APBA1: variants seen among roughly 807,000 people sequenced by gnomAD.
APBA1 encodes amyloid-beta A4 precursor protein-binding family A member 1.
A neutral mutation model predicts 86.6 loss-of-function variants in APBA1; 55 were observed. The ratio of observed to expected loss-of-function variants is 0.64; its 90% CI spans 0.51 to 0.80. The LOEUF is 0.80. APBA1 is among the 30% of genes least tolerant of loss of function. APBA1 has a pLI of 0.00. For synonymous variants in APBA1, 511 were observed against 493.9 expected (o/e 1.03, Z -0.46); for missense variants, 1,090 against 1,183.0 (o/e 0.92, Z 1.15).
intron 1 of APBA1, among the ~76,000 whole-genome samples, chr9:69,660,416 A>G (rs1328824781): frequency 1.3e-5 from 2 of 152,230 alleles, no homozygotes; most frequent in African/African-American, 2.4e-5. Flanking sequence ...AGAGTTCCCT[A>G]TAGTGGCAGG....
chr9:69,606,404 CCTACTTTTTTACAGAGA>C (rs1822472805), intron 1 of APBA1, among the ~76,000 whole-genome samples: 1 of 150,448 alleles, frequency 6.6e-6, no homozygotes, highest in African/African-American at 2.4e-5. Flanking sequence ...TATTGTATCG[CCTACTTTTTTACAGAGA>C]AAGAAACTGA....
chr9:69,591,170 G>A (rs963038781), intron 1 of APBA1, among the ~76,000 whole-genome samples: 13 of 152,174 alleles, frequency 8.5e-5, no homozygotes, highest in Non-Finnish European at 1.3e-4. Flanking sequence ...CAGAACTTCC[G>A]ATGTGAGGTC....
At chr9:69,571,551 T>C (rs566523853) in intron 1 of APBA1, among the ~76,000 whole-genome samples, 1 of 152,322 alleles carries the variant, frequency 6.6e-6, no homozygotes, top group South Asian at 2.1e-4. Flanking sequence ...TGGAAAGATA[T>C]ATACCAAAAT....
intron 1 of APBA1, among the ~76,000 whole-genome samples, chr9:69,621,173 T>C (rs957527639): frequency 6.6e-6 from 1 of 152,214 alleles, no homozygotes; most frequent in Non-Finnish European, 1.5e-5. Flanking sequence ...GGAATTTAAC[T>C]AAAAATACGG....
chr9:69,486,931 G>C (rs1835620685), intron 2 of APBA1, among the ~76,000 whole-genome samples: 1 of 150,414 alleles, frequency 6.6e-6, no homozygotes, highest in Non-Finnish European at 1.5e-5. Context: ...GCCTAATACT[G>C]GCATTCAGAA....
At chr9:69,596,871 G>A (rs895402324) in intron 1 of APBA1, among the ~76,000 whole-genome samples, 8 of 152,234 alleles carry the variant, frequency 5.3e-5, no homozygotes, top group African/African-American at 1.9e-4. Context: ...CCTAAAACTA[G>A]CAGATTAGAA....
At chr9:69,597,783 TG>T (rs1304950185) in intron 1 of APBA1, among the ~76,000 whole-genome samples, 40 of 152,348 alleles carry the variant, frequency 2.6e-4, no homozygotes, top group African/African-American at 8.2e-4. Flanking sequence ...CTTTCCGCAT[TG>T]CTTGTTTTTC....
chr9:69,548,472 A>G (rs1330327), intron 1 of APBA1, among the ~76,000 whole-genome samples: 84,959 of 152,112 alleles, frequency 0.56, 25,037 homozygotes, highest in Non-Finnish European at 0.65. Flanking sequence ...GGAAACTAAT[A>G]TAAGTGGGTT....
intron 1 of APBA1, among the ~76,000 whole-genome samples, chr9:69,615,024 C>T (rs1318858464): frequency 2.6e-5 from 4 of 152,074 alleles, no homozygotes; most frequent in Non-Finnish European, 5.9e-5. Flanking sequence ...CATGGTGAAA[C>T]CCCTTCTCTA....
chr9:69,501,804 G>C (rs573106331), intron 2 of APBA1, among the ~76,000 whole-genome samples: 4 of 152,108 alleles, frequency 2.6e-5, no homozygotes, highest in Admixed American at 2.6e-4. Context: ...CTCTAGCCTC[G>C]GTCACAGAGT....
chr9:69,647,949 C>A (rs762251968), intron 1 of APBA1, among the ~76,000 whole-genome samples: 2 of 152,202 alleles, frequency 1.3e-5, no homozygotes, highest in Non-Finnish European at 2.9e-5. Flanking sequence ...TAAAGACAGG[C>A]CTTAAAGGCA....
At chr9:69,659,864 T>A (rs1823716234) in intron 1 of APBA1, among the ~76,000 whole-genome samples, 1 of 152,242 alleles carries the variant, frequency 6.6e-6, no homozygotes, top group Non-Finnish European at 1.5e-5. Flanking sequence ...ATTAATATAT[T>A]TTGGCAGGCT....
chr9:69,543,286 C>G lies in APBA1; in HGVS notation c.-69-26007G>C, dbSNP rs909757297. ...TGCTGTGCTGGGATTTCCCCCCCCC[C>G]CCCCCGGCCTGTCCTCCACAGCCTG... is the stretch of plus-strand genomic sequence containing the variant. On this transcript the variant is annotated intron_variant, in intron 1 of 12. Coordinates refer to ENST00000265381, the MANE Select transcript of APBA1 (RefSeq NM_001163.4). 2.7e-4 allele frequency among the ~76,000 whole-genome samples: 34 copies of G among 126,502 alleles called. 1 individual carries two copies. The highest frequency in any genetic ancestry group is 1.6e-3 in the South Asian group (6 of 3,784). 83.0% of individuals were successfully genotyped at this position (126,502 alleles called of 152,430 possible).
rs571766144 is a variant in APBA1 at position 69,632,292 on chromosome 9, T to C, written c.-70+39861A>G. 6.6e-5 allele frequency among the ~76,000 whole-genome samples: 10 copies of C among 152,202 alleles called. No homozygotes were observed. In the South Asian group the frequency reaches 1.9e-3, roughly 28 times the overall value. On this transcript the variant is annotated intron_variant, in intron 1 of 12. Transcript: ENST00000265381. ...ACATTAAATCTCTTCAAATATCTAA[T>C]TATCAACAGGAAGCAAATATTAATC...
intron 1 of APBA1, among the ~76,000 whole-genome samples, chr9:69,574,190 C>T (rs1821731784): frequency 6.6e-6 from 1 of 152,084 alleles, no homozygotes; most frequent in African/African-American, 2.4e-5. Context: ...TGGTGCATCC[C>T]CCTGGCCTTG....
Position 69,474,292 on chromosome 9 carries a change from G to A in APBA1, c.1296+1756C>T, listed in dbSNP as rs143328691. The A allele has an allele frequency of 2.7e-3, 416 of 152,278 alleles. 2 individuals carry two copies. The highest frequency in any genetic ancestry group is 9.5e-3 in the African/African-American group (393 of 41,552). 9.4% of individuals were successfully genotyped at this position (152,278 alleles called of 1,614,324 possible). A position where few individuals can be genotyped will look rare whatever the true frequency, so the allele number is the denominator to read the frequency against. ...GGCAGATCTTGGCAGTTAAGAGCAC[G>A]GGTTCCCATGAGTTCTGGATTTGAA... On this transcript the variant is annotated intron_variant, in intron 3 of 12. Transcript: ENST00000265381.
chr9:69,551,995 C>T (rs1289874885), intron 1 of APBA1, among the ~76,000 whole-genome samples: 1 of 152,116 alleles, frequency 6.6e-6, no homozygotes, highest in Non-Finnish European at 1.5e-5. Flanking sequence ...GCTGAGAGGC[C>T]AACATGAAAC....
chr9:69,643,185 C>T (rs1345628286), intron 1 of APBA1, among the ~76,000 whole-genome samples: 1 of 152,108 alleles, frequency 6.6e-6, no homozygotes, highest in Admixed American at 6.5e-5. Context: ...TAAGTGTTTA[C>T]CCCCTACAAC....
chr9:69,532,365 C>T (rs1836447643), intron 1 of APBA1, among the ~76,000 whole-genome samples: 1 of 152,202 alleles, frequency 6.6e-6, no homozygotes, highest in African/African-American at 2.4e-5. Context: ...ACAAGTTGGC[C>T]ACTGTCCTAT....
Sources: gnomAD v4.1 joint callset for allele counts (sites outside exome capture counted in the v4.1 genomes callset) on GRCh38, gnomAD v4.1.1 for gene constraint, MANE v1.5 for transcripts, NCBI Gene and HGNC (gene_info 2026-07-23, HGNC 2026-07-21) for gene names.